The following SUGCT variants were observed in gnomAD, a reference collection of about 807,000 sequenced individuals.
SUGCT encodes the protein succinyl-CoA:glutarate-CoA transferase, also known as succinyl-CoA:glutarate CoA-transferase.
SUGCT carries 41 observed loss-of-function variants against 55.0 expected under a neutral mutation model. The observed-to-expected ratio is 0.74, with a 90% CI of 0.58 to 0.97. The LOEUF is 0.97. Among genes scored for constraint, SUGCT ranks in the 50% least tolerant of loss-of-function variants. The probability of loss-of-function intolerance (pLI) is 0.00; values close to 1 mark genes in which losing one functional copy is unlikely to be tolerated. For missense variants in SUGCT, 568 were observed against 547.8 expected, an observed-to-expected ratio of 1.04 and a Z score of -0.37; for synonymous variants, 187 against 200.4, an observed-to-expected ratio of 0.93 and a Z score of 0.56.
At chr7:40,474,682 C>CT (rs1790566462) in intron 11 of SUGCT, among the ~76,000 whole-genome samples, 1 of 152,126 alleles carries the variant, frequency 6.6e-6, no homozygotes, top group African/African-American at 2.4e-5. Context: ...CTCTACAGCT[C>CT]TGAGTGTCAG....
At chr7:40,987,599 C>A in the SUGCT span, among the ~76,000 whole-genome samples, 1 of 152,094 alleles carries the variant, frequency 6.6e-6, no homozygotes, top group Admixed American at 6.6e-5. Flanking sequence ...AGGAAGGGAT[C>A]AGAGACAGCT....
At chr7:40,413,055 C>A (rs1786779501) in intron 9 of SUGCT, among the ~76,000 whole-genome samples, 2 of 151,886 alleles carry the variant, frequency 1.3e-5, no homozygotes, top group South Asian at 2.1e-4. Context: ...TGTATTTGCC[C>A]AAAAATAACA....
At chr7:40,565,457 T>G (rs1348710101) in intron 12 of SUGCT, among the ~76,000 whole-genome samples, 1 of 152,218 alleles carries the variant, frequency 6.6e-6, no homozygotes, top group Non-Finnish European at 1.5e-5. Flanking sequence ...TCCCCATTAT[T>G]TCTTATATTA....
At chr7:40,772,622 T>C (rs184077875) in intron 13 of SUGCT, among the ~76,000 whole-genome samples, 61 of 150,840 alleles carry the variant, frequency 4.0e-4, no homozygotes, top group African/African-American at 1.4e-3. Flanking sequence ...TATCTATCTA[T>C]CTATCTATCT....
chr7:40,386,220 C>T (rs1265300431), intron 9 of SUGCT, among the ~76,000 whole-genome samples: 1 of 152,150 alleles, frequency 6.6e-6, no homozygotes, highest in South Asian at 2.1e-4. Context: ...CAGAAAGCCC[C>T]TGACACTCAG....
intron 12 of SUGCT, among the ~76,000 whole-genome samples, chr7:40,665,589 G>C (rs568647572): frequency 1.3e-5 from 2 of 152,254 alleles, no homozygotes; most frequent in African/African-American, 4.8e-5. Context: ...GAGAACTAAA[G>C]AGAAGTGAAG....
At chr7:40,924,265 C>CGTGTGTATGTGT in the SUGCT span, among the ~76,000 whole-genome samples, 21 of 136,018 alleles carry the variant, frequency 1.5e-4, no homozygotes, top group Non-Finnish European at 2.5e-4. Context: ...CTTTCAATTA[C>CGTGTGTATGTGT]GTGTGTGTGT....
intron 11 of SUGCT, among the ~76,000 whole-genome samples, chr7:40,466,811 C>T (rs1790134444): frequency 6.6e-6 from 1 of 152,202 alleles, no homozygotes; most frequent in African/African-American, 2.4e-5. Flanking sequence ...ATAAGAAGAT[C>T]TGAATTTGAG....
At chr7:41,038,607 T>C in the SUGCT span, among the ~76,000 whole-genome samples, 1 of 152,156 alleles carries the variant, frequency 6.6e-6, no homozygotes, top group African/African-American at 2.4e-5. Flanking sequence ...TCATCAACAG[T>C]GGAGGATCAC....
At chr7:40,507,970 G>T (rs929401075) in intron 12 of SUGCT, among the ~76,000 whole-genome samples, 4 of 152,094 alleles carry the variant, frequency 2.6e-5, no homozygotes, top group Non-Finnish European at 5.9e-5. Context: ...TTGCTCCCCA[G>T]AAAAACCTGT....
chr7:41,005,807 C>G, the SUGCT span, among the ~76,000 whole-genome samples: 1 of 152,106 alleles, frequency 6.6e-6, no homozygotes, highest in Admixed American at 6.6e-5. Flanking sequence ...TCCCTCACCC[C>G]CAATACTGAC....
At chr7:40,332,308 T>C (rs1401346047) in intron 9 of SUGCT, among the ~76,000 whole-genome samples, 1 of 152,170 alleles carries the variant, frequency 6.6e-6, no homozygotes, top group African/African-American at 2.4e-5. Flanking sequence ...ATGATGGAGA[T>C]TCTGATGTGA....
At chr7:40,529,574 G>T (rs905371533) in intron 12 of SUGCT, among the ~76,000 whole-genome samples, 2 of 152,218 alleles carry the variant, frequency 1.3e-5, no homozygotes, top group African/African-American at 4.8e-5. Flanking sequence ...TTCAGCAAAA[G>T]CCCTGAGAAC....
Position 40,452,949 on chromosome 7 carries a change from A to T in SUGCT, c.888+3591A>T, listed in dbSNP as rs533076481. ...AGGGGAGAACACCTGAATTTGAAGT[A>T]CCTCTAACTGGCAGTCAACTTAACC... On this transcript the variant is annotated intron_variant, in intron 10 of 13. Coordinates refer to ENST00000335693, the MANE Select transcript of SUGCT (RefSeq NM_001193313.2). Among the ~76,000 whole-genome samples the T allele has an allele frequency of 3.3e-5, 5 of 152,284 alleles. No individual in the cohort carries two copies. The East Asian group carries it at 9.7e-4, about 29-fold the overall frequency.
At chr7:40,413,967 A>G (rs527440595) in intron 9 of SUGCT, among the ~76,000 whole-genome samples, 5 of 152,264 alleles carry the variant, frequency 3.3e-5, no homozygotes, top group East Asian at 3.9e-4. Context: ...TTATAGCTGC[A>G]TACTATTTCA....
At chr7:40,764,154 T>A (rs185461785) in intron 13 of SUGCT, among the ~76,000 whole-genome samples, 113 of 152,304 alleles carry the variant, frequency 7.4e-4, no homozygotes, top group African/African-American at 2.5e-3. Context: ...AGCACTTAAG[T>A]ATACTTTTTA....
At chr7:40,838,184 A>G (rs1198967062) in intron 13 of SUGCT, among the ~76,000 whole-genome samples, 2 of 152,202 alleles carry the variant, frequency 1.3e-5, no homozygotes, top group African/African-American at 2.4e-5. Context: ...ATAGAATAGA[A>G]TGAATCTTCC....
intron 11 of SUGCT, among the ~76,000 whole-genome samples, chr7:40,484,054 C>G (rs1291812817): frequency 1.3e-5 from 2 of 152,230 alleles, no homozygotes; most frequent in East Asian, 3.9e-4. Flanking sequence ...ACTATAATTT[C>G]CTTAGAACAA....
chr7:40,848,220 T>TCC (rs1296765605), intron 13 of SUGCT, among the ~76,000 whole-genome samples: 2 of 151,888 alleles, frequency 1.3e-5, no homozygotes, highest in African/African-American at 4.8e-5. Flanking sequence ...TTTACTTCTT[T>TCC]TTCTCTTCAA....
Sources: allele counts gnomAD v4.1 joint callset (sites outside exome capture counted in the v4.1 genomes callset), GRCh38; gene constraint gnomAD v4.1.1; transcripts MANE v1.5; gene names NCBI Gene and HGNC (gene_info 2026-07-23, HGNC 2026-07-21).